GBF1: variants seen among roughly 807,000 people sequenced by gnomAD.
GBF1 encodes Golgi-specific brefeldin A-resistance guanine nucleotide exchange factor 1.
A neutral mutation model predicts 210.5 loss-of-function variants in GBF1; 114 were observed. That is an observed-to-expected ratio of 0.54 (90% CI 0.47 to 0.63). The LOEUF is 0.63. GBF1 is among the 30% of genes least tolerant of loss of function. The pLI is 0.00. For synonymous variants in GBF1, 850 were observed against 889.2 expected (o/e 0.96, Z 0.78); for missense variants, 1,851 against 2,357.7 (o/e 0.79, Z 4.45).
chr10:102,370,067 C>T, intron 26 of GBF1, 83 bp downstream of exon 26: 1 of 1,568,222 alleles, frequency 6.4e-7, no homozygotes, highest in Non-Finnish European at 8.8e-7. Flanking sequence ...ATAAATCATC[C>T]AGGATTTGTA....
chr10:102,348,618 C>G (rs76206313), intron 4 of GBF1, among the ~76,000 whole-genome samples: 87 of 152,154 alleles, frequency 5.7e-4, no homozygotes, highest in Non-Finnish European at 8.1e-4. Context: ...TTGTGCTGAT[C>G]GGGAGAAACG....
chr10:102,244,477 C>T (rs1436560793), upstream of GBF1, among the ~76,000 whole-genome samples: 1 of 152,182 alleles, frequency 6.6e-6, no homozygotes, highest in African/African-American at 2.4e-5. Flanking sequence ...TTCTAAATAG[C>T]TTAGTAACCT....
Position 102,369,272 on chromosome 10 carries a change from CAG to C in GBF1, c.3036_3037del (p.Val1013IlefsTer9). On this transcript the variant is annotated frameshift_variant, in exon 24 of 40. Coordinates refer to ENST00000369983, the MANE Select transcript of GBF1 (RefSeq NM_001377137.1). LOFTEE classifies it high-confidence loss of function. ...CCTAAAGCCCATATTGCAGCCAAGA[CAG>C]TATTCCATTTGGCCCATCGTCATGG... The C allele has an allele frequency of 6.2e-7, 1 of 1,613,462 alleles. No homozygotes were observed. Among genetic ancestry groups the C allele is most frequent in the Non-Finnish European group, 8.5e-7 (1 of 1,179,388 alleles).
At chr10:102,313,973 AAC>A (rs1452789422) in intron 3 of GBF1, among the ~76,000 whole-genome samples, 7 of 152,096 alleles carry the variant, frequency 4.6e-5, no homozygotes, top group Non-Finnish European at 8.8e-5. Context: ...AACTCTTGGT[AAC>A]AGTTTTAGGA....
intron 8 of GBF1, among the ~76,000 whole-genome samples, chr10:102,357,731 C>G (rs2134959424): frequency 6.6e-6 from 1 of 152,220 alleles, no homozygotes; most frequent in East Asian, 1.9e-4. Flanking sequence ...CTCGGGATTT[C>G]CTGCTTAATG....
upstream of GBF1, among the ~76,000 whole-genome samples, chr10:102,241,056 T>C (rs531644365): frequency 7.9e-5 from 12 of 152,196 alleles, no homozygotes; most frequent in Admixed American, 1.3e-4. The surrounding 1 kb of genome is among the most constrained non-coding windows in gnomAD (Gnocchi z 6.7). Flanking sequence ...GTTTCCAGAC[T>C]CCCTACTCCC....
intron 29 of GBF1, among the ~76,000 whole-genome samples, chr10:102,371,904 T>G (rs1290065273): frequency 2.4e-5 from 3 of 126,084 alleles, no homozygotes; most frequent in South Asian, 2.5e-4. Context: ...TCCAGCTGGG[T>G]GACAGAGTGA....
rs1286392179 is a variant in GBF1, at chr10:102,260,801, C to G, written c.163+685C>G. Among the ~76,000 whole-genome samples the G allele has an allele frequency of 2.6e-5, 4 of 152,118 alleles. No individual in the cohort carries two copies. In the East Asian group the frequency reaches 7.7e-4, roughly 29 times the overall value. On this transcript the variant is annotated intron_variant, in intron 3 of 39. Transcript: ENST00000369983. The stretch of plus-strand genomic sequence containing the variant: ...CTATATTTTCTTTAAAAAAAAGAAT[C>G]TGCAAGCCAGATTTGGCCCATGGGT...
intron 3 of GBF1, among the ~76,000 whole-genome samples, chr10:102,287,283 A>C (rs544149803): frequency 6.7e-6 from 1 of 150,232 alleles, no homozygotes; most frequent in East Asian, 2.0e-4. Context: ...ACCCCCCAAA[A>C]TGTGGCAGCT....
intron 2 of GBF1, 67 bp downstream of exon 2, chr10:102,259,101 AAG>A: frequency 1.2e-6 from 1 of 828,018 alleles, no homozygotes. Flanking sequence ...GCATGGTTAA[AAG>A]AGTAATCAAA....
At chr10:102,358,813 G>A (rs1328143562) in intron 10 of GBF1, 84 bp downstream of exon 10, 12 of 859,204 alleles carry the variant, frequency 1.4e-5, no homozygotes, top group Admixed American at 2.5e-5. Flanking sequence ...TGCAGGACTT[G>A]GCTCGAAAGA....
the GBF1 span, among the ~76,000 whole-genome samples, chr10:102,235,633 T>C: frequency 6.6e-6 from 1 of 152,208 alleles, no homozygotes; most frequent in Non-Finnish European, 1.5e-5. Context: ...TTTTTTTTCC[T>C]CACTCATTAA....
chr10:102,349,938 C>G (rs993271996), intron 4 of GBF1, among the ~76,000 whole-genome samples: 8 of 152,190 alleles, frequency 5.3e-5, no homozygotes, highest in African/African-American at 1.7e-4. Context: ...CTGCCTACCC[C>G]CCAGCTAGTC....
chr10:102,237,847 G>T, the GBF1 span, among the ~76,000 whole-genome samples: 1 of 151,924 alleles, frequency 6.6e-6, no homozygotes, highest in African/African-American at 2.4e-5. Flanking sequence ...TTTAGACTGT[G>T]TGTCATGCCT....
intron 3 of GBF1, among the ~76,000 whole-genome samples, chr10:102,267,920 C>T (rs1379632385): frequency 6.6e-6 from 1 of 152,172 alleles, no homozygotes; most frequent in Non-Finnish European, 1.5e-5. Flanking sequence ...CTGACTTTGG[C>T]ACCTTAGAAT....
chr10:102,297,111 G>A (rs546000345), intron 3 of GBF1, among the ~76,000 whole-genome samples: 26 of 151,982 alleles, frequency 1.7e-4, no homozygotes, highest in Non-Finnish European at 3.2e-4. Flanking sequence ...GACTTAAGAT[G>A]AGGCAGGACT....
chr10:102,289,956 T>A (rs1490878829), intron 3 of GBF1, among the ~76,000 whole-genome samples: 3 of 151,234 alleles, frequency 2.0e-5, no homozygotes, highest in African/African-American at 4.9e-5. Context: ...CAAAAAAAAA[T>A]TTTAATTAGC....
In GBF1 at chr10:102,369,391, A is replaced by G. The variant is rs1021453906; in HGVS notation, c.3150+4A>G. On this transcript the variant is annotated splice_donor_region_variant and intron_variant, in intron 24 of 39. Transcript: ENST00000369983. ...ACTGCCCAAGGCTATGATAGAGGTA[A>G]TTCTTAGTAGGAGACTAGTGAGCGA... is the stretch of plus-strand genomic sequence containing the variant. The G allele has an allele frequency of 6.2e-7, 1 of 1,606,498 alleles. No homozygotes were observed. Among genetic ancestry groups the G allele is most frequent in the African/African-American group, 1.3e-5 (1 of 74,760 alleles).
rs550307589 is a variant in GBF1, at chr10:102,375,339, C to T, written c.3661-20C>T. On this transcript the variant is annotated intron_variant, in intron 29 of 39. Transcript: ENST00000369983. ...ACACAGCTCCCCGCTTCCCCGCTCC[C>T]TGCCCTAACCCCACTCCAGGTGCTG... 389 of 1,480,570 alleles carry T rather than the reference C, an allele frequency of 2.6e-4. 4 individuals are homozygous for T. In the South Asian group the frequency reaches 3.8e-3, roughly 15 times the overall value. The allele number at this position is 1,480,570 out of a possible 1,614,324, so 91.7% of individuals were successfully genotyped here.
Sources: gnomAD v4.1 joint callset for allele counts (sites outside exome capture counted in the v4.1 genomes callset) on GRCh38, gnomAD v4.1.1 for gene constraint, Gnocchi (gnomAD v3.1) non-coding constraint, MANE v1.5 for transcripts, NCBI Gene and HGNC (gene_info 2026-07-23, HGNC 2026-07-21) for gene names.